Variants in FER observed in about 807,000 individuals in gnomAD.
FER encodes the protein FER tyrosine kinase.
FER carries 63 observed loss-of-function variants against 111.0 expected under a neutral mutation model. The observed-to-expected ratio is 0.57, with a 90% confidence interval of 0.46 to 0.70. The LOEUF (loss-of-function observed/expected upper bound fraction) is 0.70, where lower values mean the gene tolerates loss of function less well. FER is among the 30% of genes least tolerant of loss of function. The pLI is 0.00. For missense variants in FER, 914 were observed against 954.0 expected, an observed-to-expected ratio of 0.96 and a Z score of 0.55; for synonymous variants, 327 against 313.9, an observed-to-expected ratio of 1.04 and a Z score of -0.44.
rs112142372 is a variant in FER at position 109,004,545 on chromosome 5, G to C, written c.1657-32877G>C. Among the ~76,000 whole-genome samples the C allele has an allele frequency of 3.6e-4, 55 of 152,234 alleles. 1 individual carries two copies. Among genetic ancestry groups the C allele is most frequent in the Middle Eastern group, 3.4e-3 (1 of 294 alleles). On this transcript the variant is annotated intron_variant, in intron 13 of 19. Transcript: ENST00000281092. ...ATTATGCAGCCTATTAAAAATAAGTGTTTGGATTAATGTCATGGTAATATG... is the reference window on the plus strand; with the variant it reads ...ATTATGCAGCCTATTAAAAATAAGTCTTTGGATTAATGTCATGGTAATATG...
chr5:109,005,572 A>C (rs1242801761), intron 13 of FER, among the ~76,000 whole-genome samples: 5 of 152,240 alleles, frequency 3.3e-5, no homozygotes, highest in African/African-American at 1.2e-4. Context: ...TATACAAGAT[A>C]TTTAAATTCT....
chr5:109,001,776 T>C lies in FER; in HGVS notation c.1657-35646T>C, dbSNP rs192217236. ...AAATCTCCTTAAGCTAATAGGCAAC[T>C]TCAGCAAAGTCTCAGGATAGAATAT... On this transcript the variant is annotated intron_variant, in intron 13 of 19. Coordinates refer to ENST00000281092, the MANE Select transcript of FER (RefSeq NM_005246.4). Among the ~76,000 whole-genome samples the C allele has an allele frequency of 2.0e-3, 297 of 152,306 alleles. 1 individual carries two copies. Among genetic ancestry groups the C allele is most frequent in the African/African-American group, 6.8e-3 (282 of 41,548 alleles).
chr5:108,785,833 GGTAGGC>G (rs1293017668), intron 2 of FER, among the ~76,000 whole-genome samples: 3 of 152,212 alleles, frequency 2.0e-5, no homozygotes, highest in Non-Finnish European at 4.4e-5. Flanking sequence ...ACTTGGGTGA[GGTAGGC>G]GTAAGTCATC....
At chr5:109,187,103 G>C (rs1758962690) in intron 19 of FER, among the ~76,000 whole-genome samples, 1 of 152,246 alleles carries the variant, frequency 6.6e-6, no homozygotes, top group East Asian at 1.9e-4. Flanking sequence ...GAAAAACACA[G>C]ATGATTTTTT....
intron 16 of FER, among the ~76,000 whole-genome samples, chr5:109,090,469 C>G (rs1778044425): frequency 6.6e-6 from 1 of 151,960 alleles, no homozygotes; most frequent in South Asian, 2.1e-4. Context: ...ATGGCCCAAT[C>G]AAAGGAGCAA....
intron 9 of FER, among the ~76,000 whole-genome samples, chr5:108,893,018 T>C (rs201709605): frequency 1.3e-5 from 2 of 152,312 alleles, no homozygotes; most frequent in South Asian, 2.1e-4. Flanking sequence ...TTCTGTTCCA[T>C]TGGTCTACAT....
chr5:108,968,737 T>C (rs1760228286), intron 13 of FER, among the ~76,000 whole-genome samples: 1 of 152,060 alleles, frequency 6.6e-6, no homozygotes, highest in African/African-American at 2.4e-5. Context: ...TATATAATAG[T>C]TGCTTTTAGA....
At chr5:109,060,759 G>T (rs1286314562) in intron 16 of FER, among the ~76,000 whole-genome samples, 1 of 134,660 alleles carries the variant, frequency 7.4e-6, no homozygotes, top group African/African-American at 2.8e-5. Flanking sequence ...GCGTATGTGT[G>T]GTGTGTGTGT....
rs1440657288 is a variant in FER, at chr5:108,878,776, A to T, written c.924-4620A>T. Among the ~76,000 whole-genome samples, 8 of 152,208 alleles carry T rather than the reference A, an allele frequency of 5.3e-5. No homozygotes were observed. The East Asian group carries it at 5.8e-4, about 11-fold the overall frequency. On this transcript the variant is annotated intron_variant, in intron 8 of 19. Transcript: ENST00000281092. ...AACTAAGCATCATTAGCATCATGAT[A>T]CATTTACTTTTGTTTATTGTGATTA... is the stretch of plus-strand genomic sequence containing the variant.
chr5:109,118,175 G>A (rs912207570), intron 17 of FER, among the ~76,000 whole-genome samples: 25 of 152,046 alleles, frequency 1.6e-4, no homozygotes, highest in Non-Finnish European at 2.8e-4. Context: ...TTTGAGATAC[G>A]TCCCATCAAT....
intron 6 of FER, among the ~76,000 whole-genome samples, chr5:108,869,000 T>G (rs1261047952): frequency 2.0e-5 from 3 of 152,090 alleles, no homozygotes; most frequent in East Asian, 3.9e-4. Flanking sequence ...ACATTTTTTT[T>G]TGTGCATAAA....
intron 13 of FER, among the ~76,000 whole-genome samples, chr5:108,989,583 A>C (rs937197825): frequency 2.6e-5 from 4 of 151,804 alleles, no homozygotes; most frequent in Non-Finnish European, 5.9e-5. Context: ...CCATCTTTCC[A>C]TTTTTGTTTT....
chr5:109,127,457 G>A (rs530101993), intron 17 of FER, among the ~76,000 whole-genome samples: 19 of 152,232 alleles, frequency 1.2e-4, no homozygotes, highest in African/African-American at 4.1e-4. Flanking sequence ...AGGCTGGAGT[G>A]CAGTGACGTG....
chr5:109,162,855 C>T (rs762254346), intron 17 of FER, among the ~76,000 whole-genome samples: 11 of 151,896 alleles, frequency 7.2e-5, no homozygotes, highest in Non-Finnish European at 1.3e-4. Flanking sequence ...TTTTTTTAAT[C>T]ACCTTTATTG....
At chr5:109,095,514 A>T (rs992342063) in intron 16 of FER, among the ~76,000 whole-genome samples, 3 of 151,914 alleles carry the variant, frequency 2.0e-5, no homozygotes, top group Non-Finnish European at 4.4e-5. Context: ...AATATACCCT[A>T]TATGTAGCAG....
In FER at chr5:108,897,712, T is replaced by C. The variant is rs1749356346; in HGVS notation, c.1100T>C (p.Val367Ala). The C allele has an allele frequency of 6.2e-7, 1 of 1,613,134 alleles. No homozygotes were observed. Among genetic ancestry groups the C allele is most frequent in the Non-Finnish European group, 8.5e-7 (1 of 1,179,554 alleles). Reference sequence around the variant, plus strand: ...GCACTTGAAGAACTGAAACAGTCAGTCCAGCAGCTGAGATGCACTGAAGCA... The same window carrying C: ...GCACTTGAAGAACTGAAACAGTCAGCCCAGCAGCTGAGATGCACTGAAGCA... ...KQALEELKQS[V>A]QQLRCTEAKF... The change falls in exon 10 of 20, where the codon GTC becomes GCC. Residue 367 changes from valine to alanine, a missense_variant. Val to Ala is a moderately conservative substitution (Grantham distance 64, BLOSUM62 0). Transcript: ENST00000281092.
chr5:109,045,725 A>G (rs1771872887), intron 15 of FER, among the ~76,000 whole-genome samples: 1 of 152,252 alleles, frequency 6.6e-6, no homozygotes, highest in African/African-American at 2.4e-5. Context: ...TTCTGAAATT[A>G]CTAAGTGATT....
intron 2 of FER, among the ~76,000 whole-genome samples, chr5:108,797,225 G>A (rs1398731682): frequency 2.0e-5 from 3 of 152,024 alleles, no homozygotes; most frequent in African/African-American, 7.2e-5. Context: ...TCCTTCTGTG[G>A]CTGAGCTGGT....
chr5:109,152,126 A>G (rs1309735964), intron 17 of FER, among the ~76,000 whole-genome samples: 1 of 152,076 alleles, frequency 6.6e-6, no homozygotes, highest in African/African-American at 2.4e-5. Context: ...ATATATATGA[A>G]CTTGAGGAAA....
Sources: gnomAD v4.1 joint callset for allele counts (sites outside exome capture counted in the v4.1 genomes callset) on GRCh38, gnomAD v4.1.1 for gene constraint, MANE v1.5 for transcripts, NCBI Gene and HGNC (gene_info 2026-07-23, HGNC 2026-07-21) for gene names.